Variants in FHIT observed in about 807,000 individuals in gnomAD.
The protein encoded by FHIT is bis(5'-adenosyl)-triphosphatase.
A neutral mutation model predicts 17.9 loss-of-function variants in FHIT; 19 were observed. The observed-to-expected ratio is 1.06, with a 90% CI of 0.74 to 1.56. The LOEUF is 1.56. FHIT is among the 40% of genes most tolerant of loss of function. The pLI is 0.00. For synonymous variants in FHIT, 81 were observed against 69.7 expected (o/e 1.16, Z -0.81); for missense variants, 248 against 189.2 (o/e 1.31, Z -1.82).
intron 5 of FHIT, among the ~76,000 whole-genome samples, chr3:60,042,400 A>G (rs1174973085): frequency 6.6e-6 from 1 of 152,148 alleles, no homozygotes; most frequent in Non-Finnish European, 1.5e-5. Context: ...TGGCTTAGAA[A>G]AGAGACATGT....
rs1023227279 is a variant in FHIT at position 60,937,531 on chromosome 3, G to A, written c.-111+104516C>T. Among the ~76,000 whole-genome samples the A allele has an allele frequency of 9.7e-5, 14 of 143,726 alleles. 1 individual carries two copies. Among genetic ancestry groups the A allele is most frequent in the Middle Eastern group, 6.8e-3 (2 of 292 alleles). The allele number at this position is 143,726 out of a possible 152,430, so 94.3% of individuals were successfully genotyped here. On this transcript the variant is annotated intron_variant, in intron 3 of 9. Coordinates refer to ENST00000492590, the MANE Select transcript of FHIT (RefSeq NM_002012.4). ...GTCTGCCTCTCTCAGGTGCAGAAGTGGTCTACTGCTTTTTTTTTCTTTTTT... is the reference window on the plus strand; with the variant it reads ...GTCTGCCTCTCTCAGGTGCAGAAGTAGTCTACTGCTTTTTTTTTCTTTTTT...
chr3:61,139,030 C>CTTTTTTTT (rs368329092), intron 2 of FHIT, among the ~76,000 whole-genome samples: 1 of 137,298 alleles, frequency 7.3e-6, no homozygotes, highest in Non-Finnish European at 1.6e-5. Flanking sequence ...CTATATCAAA[C>CTTTTTTTT]TTTTTTTTTT....
At chr3:60,492,100 G>C (rs781020617) in intron 5 of FHIT, among the ~76,000 whole-genome samples, 1 of 152,114 alleles carries the variant, frequency 6.6e-6, no homozygotes, top group Non-Finnish European at 1.5e-5. Context: ...TATTTCTTAA[G>C]TATCCTATTT....
chr3:61,211,597 C>G (rs2039476799), intron 1 of FHIT, among the ~76,000 whole-genome samples: 1 of 152,200 alleles, frequency 6.6e-6, no homozygotes, highest in Non-Finnish European at 1.5e-5. Context: ...AACAAAAAGA[C>G]AGCAGTAACC....
chr3:60,599,615 T>C (rs907779564), intron 4 of FHIT, among the ~76,000 whole-genome samples: 6 of 151,680 alleles, frequency 4.0e-5, no homozygotes, highest in Non-Finnish European at 8.8e-5. Flanking sequence ...GACTTCTGCA[T>C]GTTGGTACAA....
intron 5 of FHIT, among the ~76,000 whole-genome samples, chr3:60,508,376 T>C (rs2034818571): frequency 6.6e-6 from 1 of 152,208 alleles, no homozygotes; most frequent in African/African-American, 2.4e-5. Flanking sequence ...ATTTATCAAT[T>C]AGGTTTGACT....
chr3:60,976,293 G>A (rs931091838), intron 3 of FHIT, among the ~76,000 whole-genome samples: 19 of 151,502 alleles, frequency 1.3e-4, no homozygotes, highest in African/African-American at 4.6e-4. Context: ...TTTTAGTAGA[G>A]ACAGGGTTTT....
chr3:60,839,468 C>A (rs1553744507), intron 3 of FHIT, among the ~76,000 whole-genome samples: 3 of 152,146 alleles, frequency 2.0e-5, no homozygotes, highest in Non-Finnish European at 1.5e-5. Flanking sequence ...CAGTGAAGTG[C>A]TTCAGCTTTC....
intron 3 of FHIT, among the ~76,000 whole-genome samples, chr3:60,962,306 C>T (rs1402913640): frequency 6.6e-6 from 1 of 152,184 alleles, no homozygotes; most frequent in African/African-American, 2.4e-5. Context: ...GCTGAAGTTG[C>T]TTATCAGCTT....
At chr3:60,983,060 T>C (rs1323211151) in intron 3 of FHIT, among the ~76,000 whole-genome samples, 1 of 152,126 alleles carries the variant, frequency 6.6e-6, no homozygotes, top group Non-Finnish European at 1.5e-5. Context: ...CAAGGACTCC[T>C]TGCCTTCTTG....
chr3:60,280,088 C>T (rs950519080), intron 5 of FHIT, among the ~76,000 whole-genome samples: 5 of 148,110 alleles, frequency 3.4e-5, no homozygotes, highest in Admixed American at 3.4e-4. Flanking sequence ...ACTCAACAAA[C>T]GTAACTTAGC....
At chr3:59,840,664 G>A (rs1701501964) in intron 8 of FHIT, among the ~76,000 whole-genome samples, 1 of 152,068 alleles carries the variant, frequency 6.6e-6, no homozygotes, top group Non-Finnish European at 1.5e-5. Flanking sequence ...AGACACCTAT[G>A]CTGCAGTCTT....
chr3:60,633,200 G>T (rs1388563027), intron 4 of FHIT, among the ~76,000 whole-genome samples: 2 of 152,162 alleles, frequency 1.3e-5, no homozygotes, highest in African/African-American at 2.4e-5. Flanking sequence ...AATCTAGGGA[G>T]GCAATAGTTA....
At chr3:61,249,933 AACACAC>A (rs71100943) in intron 1 of FHIT, among the ~76,000 whole-genome samples, 6,377 of 125,944 alleles carry the variant, frequency 0.051, 200 homozygotes, top group Middle Eastern at 0.069. Flanking sequence ...AATCAATAAC[AACACAC>A]ACACACACAC....
chr3:60,458,323 T>C (rs1173859846), intron 5 of FHIT, among the ~76,000 whole-genome samples: 3 of 151,362 alleles, frequency 2.0e-5, no homozygotes, highest in African/African-American at 7.3e-5. Flanking sequence ...CAGCAAACTA[T>C]GGCAAGGACA....
chr3:60,482,059 A>C (rs1482484123), intron 5 of FHIT, among the ~76,000 whole-genome samples: 1 of 152,202 alleles, frequency 6.6e-6, no homozygotes, highest in Admixed American at 6.5e-5. Context: ...TAAACCAACA[A>C]AGATCAAAAA....
chr3:60,575,268 G>T (rs150172628), intron 4 of FHIT, among the ~76,000 whole-genome samples: 90 of 152,250 alleles, frequency 5.9e-4, no homozygotes, highest in African/African-American at 2.0e-3. Context: ...GGCTGAGAAA[G>T]GTATGTCGGA....
intron 5 of FHIT, among the ~76,000 whole-genome samples, chr3:60,471,400 A>G (rs1380035502): frequency 6.6e-6 from 1 of 152,180 alleles, no homozygotes; most frequent in Non-Finnish European, 1.5e-5. Flanking sequence ...TGGCATGGAC[A>G]ATTTGCCTCT....
At chr3:60,579,228 C>CTATATGTGTA (rs1271009605) in intron 4 of FHIT, among the ~76,000 whole-genome samples, 1 of 152,148 alleles carries the variant, frequency 6.6e-6, no homozygotes, top group East Asian at 1.9e-4. Context: ...TACACATAGG[C>CTATATGTGTA]TATACGCTAT....
Sources: allele counts gnomAD v4.1 joint callset (sites outside exome capture counted in the v4.1 genomes callset), GRCh38; gene constraint gnomAD v4.1.1; transcripts MANE v1.5; gene names NCBI Gene and HGNC (gene_info 2026-07-23, HGNC 2026-07-21).